MYO1E: variants seen among roughly 807,000 people sequenced by gnomAD.
The protein encoded by MYO1E is myosin IE, also known as unconventional myosin-Ie.
MYO1E carries 68 observed loss-of-function variants against 151.1 expected under a neutral mutation model. That is an observed-to-expected ratio of 0.45 (90% CI 0.37 to 0.55). The LOEUF is 0.55. MYO1E is among the 20% of genes least tolerant of loss of function. The pLI, the probability that MYO1E is intolerant of heterozygous loss-of-function variation, is 0.00. For missense variants in MYO1E, 1,363 were observed against 1,389.3 expected (o/e 0.98, Z 0.30); for synonymous variants, 601 against 501.7 (o/e 1.20, Z -2.64).
chr15:59,189,756 T>C (rs1596358019), intron 17 of MYO1E, among the ~76,000 whole-genome samples: 1 of 152,310 alleles, frequency 6.6e-6, no homozygotes, highest in East Asian at 1.9e-4. Context: ...TTGTCTTTTT[T>C]CGTAGAGACG....
At chr15:59,327,766 C>A (rs1378486467) in intron 1 of MYO1E, among the ~76,000 whole-genome samples, 1 of 152,062 alleles carries the variant, frequency 6.6e-6, no homozygotes, top group Non-Finnish European at 1.5e-5. Flanking sequence ...TAGAGTGGGG[C>A]AAAGCTGTCA....
At position 59,138,286 on chromosome 15, in the gene MYO1E, T is replaced by C; in HGVS notation, c.3162A>G (p.Pro1054=). ...CATAGGCATACAAAGCCTTGCACTG[T>C]GGCACCTGAGGCTTGGGCTTGGGCT... The part of the protein sequence containing the change: ...KPQPKPKPQV[P]QCKALYAYDA... Residue 1054 remains proline (P), a synonymous_variant, in exon 27 of 28, where the codon CCA becomes CCG. Transcript: ENST00000288235. 1 of 1,614,230 alleles carries C rather than the reference T, an allele frequency of 6.2e-7. No homozygotes were observed. The highest frequency in any genetic ancestry group is 2.2e-5 in the East Asian group (1 of 44,884).
intron 4 of MYO1E, among the ~76,000 whole-genome samples, chr15:59,242,174 C>T (rs534388493): frequency 3.9e-4 from 60 of 152,308 alleles, no homozygotes; most frequent in Non-Finnish European, 7.8e-4. Context: ...CTATACAGAA[C>T]AACTGATATA....
At position 59,136,732 on chromosome 15, in the gene MYO1E, G is replaced by A. The variant is rs1184030219; in HGVS notation, c.*648C>T. 2.2e-6 allele frequency: 1 copy of A among 456,502 alleles called. No homozygotes were observed. The highest frequency in any genetic ancestry group is 1.5e-5 in the South Asian group (1 of 64,558). The allele number at this position is 456,502 out of a possible 1,614,324, so 28.3% of individuals were successfully genotyped here. A position where few individuals can be genotyped will look rare whatever the true frequency, so the allele number is the denominator to read the frequency against. ...CAGCCACATTCTAATTGAAGACCCA[G>A]AGAAAGCAAAGCCAGCAGCCCAGCC... On this transcript the variant is annotated 3_prime_UTR_variant, in exon 28 of 28. Transcript: ENST00000288235.
chr15:59,182,253 CCCAGG>C (rs1419645090), intron 18 of MYO1E, among the ~76,000 whole-genome samples: 4 of 152,138 alleles, frequency 2.6e-5, no homozygotes, highest in African/African-American at 9.7e-5. Context: ...ACTCTTGTCG[CCCAGG>C]CTGGAGTGCA....
chr15:59,361,914 G>A (rs2080887624), intron 1 of MYO1E, among the ~76,000 whole-genome samples: 1 of 151,938 alleles, frequency 6.6e-6, no homozygotes, highest in Non-Finnish European at 1.5e-5. Context: ...TCAGCTTACT[G>A]CAACCTCCTC....
Position 59,214,306 on chromosome 15 carries a change from G to T in MYO1E, c.1197C>A (p.Gly399=). Residue 399 remains glycine, a synonymous_variant, in exon 12 of 28, where the codon GGC becomes GGA. Coordinates refer to ENST00000288235, the MANE Select transcript of MYO1E (RefSeq NM_004998.4). ...IYGFEIFQKN[G]FEQFCINFVN... ...CAAAATTGATACAAAACTGTTCAAAGCCATTTTTCTGGAAAAAAAAAGTTA... is the reference window on the plus strand; with the variant it reads ...CAAAATTGATACAAAACTGTTCAAATCCATTTTTCTGGAAAAAAAAAGTTA... The T allele has an allele frequency of 6.2e-7, 1 of 1,609,448 alleles. No individual in the cohort carries two copies. Among genetic ancestry groups the T allele is most frequent in the Non-Finnish European group, 8.5e-7 (1 of 1,177,698 alleles).
intron 1 of MYO1E, among the ~76,000 whole-genome samples, chr15:59,359,454 A>G (rs1353298280): frequency 6.6e-6 from 1 of 151,654 alleles, no homozygotes; most frequent in Non-Finnish European, 1.5e-5. Flanking sequence ...ACACCACTGC[A>G]CTTCAGCCTG....
intron 25 of MYO1E, among the ~76,000 whole-genome samples, chr15:59,155,581 T>G (rs1032001055): frequency 6.6e-5 from 10 of 152,174 alleles, no homozygotes; most frequent in African/African-American, 1.9e-4. Context: ...TGAGGCTACT[T>G]TGGCCAACCT....
intron 4 of MYO1E, among the ~76,000 whole-genome samples, chr15:59,238,108 A>G (rs17302233): frequency 0.021 from 3,190 of 152,310 alleles, 91 homozygotes; most frequent in East Asian, 0.076. Flanking sequence ...AAAACCAGCA[A>G]GCCTGGGACG....
At position 59,175,953 on chromosome 15, in the gene MYO1E, C is replaced by T. The variant is rs530945139; in HGVS notation, c.2050-1713G>A. Among the ~76,000 whole-genome samples the T allele has an allele frequency of 3.9e-5, 6 of 152,290 alleles. No homozygotes were observed. The South Asian group carries it at 1.2e-3, about 32-fold the overall frequency. On this transcript the variant is annotated intron_variant, in intron 19 of 27. Coordinates refer to ENST00000288235, the MANE Select transcript of MYO1E (RefSeq NM_004998.4). The stretch of plus-strand genomic sequence containing the variant: ...AAAACCAAACCAAACCAAAAAACAA[C>T]AACAGGAAAACACACAAAACAACCT...
rs1002618918 is a variant in MYO1E, at chr15:59,169,324, G to A, written c.2480+2573C>T. 3.9e-5 allele frequency among the ~76,000 whole-genome samples: 6 copies of A among 152,292 alleles called. No homozygotes were observed. In the East Asian group the frequency reaches 9.6e-4, roughly 24 times the overall value. On this transcript the variant is annotated intron_variant, in intron 22 of 27. Coordinates refer to ENST00000288235, the MANE Select transcript of MYO1E (RefSeq NM_004998.4). ...GCCAACTGTTAAAATCTTTCTCTAT[G>A]CCAGTACTGAAGTATTTTGAGAACA... is the stretch of plus-strand genomic sequence containing the variant.
chr15:59,210,121 G>C (rs2079869835), intron 13 of MYO1E, among the ~76,000 whole-genome samples: 1 of 152,048 alleles, frequency 6.6e-6, no homozygotes, highest in African/African-American at 2.4e-5. Flanking sequence ...ACCTGCCTCA[G>C]CCTCCCAAAG....
At chr15:59,139,791 G>A (rs1180542732) in intron 26 of MYO1E, among the ~76,000 whole-genome samples, 1 of 143,088 alleles carries the variant, frequency 7.0e-6, no homozygotes, top group African/African-American at 2.6e-5. Flanking sequence ...ACTTCCCTCC[G>A]ACCTGCTCAT....
intron 1 of MYO1E, among the ~76,000 whole-genome samples, chr15:59,294,325 G>A (rs1186602518): frequency 6.6e-6 from 1 of 152,102 alleles, no homozygotes; most frequent in African/African-American, 2.4e-5. Flanking sequence ...ATTCTCTGAG[G>A]TCCAAAATCA....
intron 8 of MYO1E, among the ~76,000 whole-genome samples, chr15:59,223,734 A>G (rs1270798038): frequency 1.3e-5 from 2 of 152,244 alleles, no homozygotes; most frequent in South Asian, 2.1e-4. Context: ...AAATCCAATA[A>G]AAGCATCATT....
chr15:59,233,772 G>A (rs1441876136), intron 5 of MYO1E, among the ~76,000 whole-genome samples: 1 of 150,334 alleles, frequency 6.7e-6, no homozygotes, highest in Non-Finnish European at 1.5e-5. Context: ...AAAGCAAGTG[G>A]ACTGAACCAC....
chr15:59,196,607 T>C (rs768985614), intron 16 of MYO1E, among the ~76,000 whole-genome samples: 6 of 152,240 alleles, frequency 3.9e-5, no homozygotes, highest in Non-Finnish European at 8.8e-5. Flanking sequence ...TCTGTTTTCA[T>C]GGGTTTGGGA....
At chr15:59,205,538 G>A in intron 14 of MYO1E, 53 bp from the exon 15 acceptor site, 1 of 1,468,068 alleles carries the variant, frequency 6.8e-7, no homozygotes, top group Non-Finnish European at 9.5e-7. Flanking sequence ...GTAATTAATT[G>A]AACAAAATCA....
Sources: gnomAD v4.1 joint callset for allele counts (sites outside exome capture counted in the v4.1 genomes callset) on GRCh38, gnomAD v4.1.1 for gene constraint, MANE v1.5 for transcripts, NCBI Gene and HGNC (gene_info 2026-07-23, HGNC 2026-07-21) for gene names.